The following SORCS2 variants were observed in gnomAD, a reference collection of about 807,000 sequenced individuals.
SORCS2 encodes the protein VPS10 domain-containing receptor SorCS2.
A neutral mutation model predicts 141.6 loss-of-function variants in SORCS2; 100 were observed. The observed-to-expected ratio is 0.71, with a 90% CI of 0.60 to 0.83. The LOEUF is 0.83. SORCS2 is among the 40% of genes least tolerant of loss of function. The pLI is 0.00. For missense variants in SORCS2, 1,646 were observed against 1,560.2 expected (o/e 1.05, Z -0.93); for synonymous variants, 789 against 676.9 (o/e 1.17, Z -2.57).
At chr4:7,301,750 T>C (rs1334310343) in intron 1 of SORCS2, among the ~76,000 whole-genome samples, 1 of 152,224 alleles carries the variant, frequency 6.6e-6, no homozygotes. Flanking sequence ...GCAATTGCTC[T>C]CCTTTTTCCA....
chr4:7,540,444 G>A (rs1370592348), intron 3 of SORCS2, among the ~76,000 whole-genome samples: 3 of 152,168 alleles, frequency 2.0e-5, no homozygotes, highest in Admixed American at 1.3e-4. Context: ...CCCTGTGGCT[G>A]CTTTGCCACC....
chr4:7,677,849 G>A (rs1460223533), intron 9 of SORCS2, among the ~76,000 whole-genome samples: 5 of 152,242 alleles, frequency 3.3e-5, no homozygotes, highest in Non-Finnish European at 7.4e-5. Flanking sequence ...GCTAGGCAGC[G>A]CCCACCCCCA....
At chr4:7,567,816 A>G (rs1361689817) in intron 3 of SORCS2, among the ~76,000 whole-genome samples, 2 of 152,052 alleles carry the variant, frequency 1.3e-5, no homozygotes, top group Non-Finnish European at 2.9e-5. Context: ...TATTTATTTA[A>G]TCATGTATTT....
At chr4:7,262,150 C>T (rs1161411675) in intron 1 of SORCS2, among the ~76,000 whole-genome samples, 1 of 151,534 alleles carries the variant, frequency 6.6e-6, no homozygotes, top group East Asian at 1.9e-4. Flanking sequence ...ATCTGCCCAT[C>T]TACCCATCCA....
intron 12 of SORCS2, among the ~76,000 whole-genome samples, chr4:7,702,465 C>G (rs59544117): frequency 2.0e-3 from 305 of 152,346 alleles, no homozygotes; most frequent in African/African-American, 6.9e-3. Flanking sequence ...TACCCTCCAC[C>G]CCTCAGAGCC....
At chr4:7,445,218 C>T (rs1201575260) in intron 2 of SORCS2, among the ~76,000 whole-genome samples, 2 of 152,194 alleles carry the variant, frequency 1.3e-5, no homozygotes, top group African/African-American at 4.8e-5. Context: ...CAGAGGCACC[C>T]TTGCAACAGA....
intron 2 of SORCS2, among the ~76,000 whole-genome samples, chr4:7,480,243 C>T (rs999497901): frequency 1.3e-5 from 2 of 152,174 alleles, no homozygotes; most frequent in African/African-American, 2.4e-5. Flanking sequence ...TCTGATGGCA[C>T]GTGGGCTTTG....
At chr4:7,645,878 C>T (rs917076000) in intron 4 of SORCS2, among the ~76,000 whole-genome samples, 1 of 152,184 alleles carries the variant, frequency 6.6e-6, no homozygotes, top group African/African-American at 2.4e-5. Flanking sequence ...TATGGTACAC[C>T]ATCTCTGTGC....
chr4:7,729,741 G>C, intron 23 of SORCS2, 29 bp downstream of exon 23: 1 of 1,602,288 alleles, frequency 6.2e-7, no homozygotes, highest in Non-Finnish European at 8.5e-7. Context: ...GCACTCCCAG[G>C]TCCTCCCTGC....
At chr4:7,671,871 A>C (rs936495066) in intron 8 of SORCS2, among the ~76,000 whole-genome samples, 3 of 151,752 alleles carry the variant, frequency 2.0e-5, no homozygotes, top group Non-Finnish European at 4.4e-5. Context: ...AAATTTCAAC[A>C]AACTCTAAGA....
At chr4:7,433,517 C>G (rs200541303) in intron 2 of SORCS2, 578 of 1,607,730 alleles carry the variant, frequency 3.6e-4, no homozygotes, top group Non-Finnish European at 4.7e-4. Context: ...TCCATCATGT[C>G]CTTGAGACTC....
chr4:7,193,060 G>A lies in SORCS2; in HGVS notation c.414G>A (p.Ser138=). ...CGCAGGTCTCGCTCATCAGCACGTC[G>A]TTCGTGCTCAAGGGGGACGCGACGC... The part of the protein sequence containing the change: ...SRAQVSLIST[S]FVLKGDATHN... Residue 138 remains serine, a synonymous_variant, in exon 1 of 27, where the codon TCG becomes TCA. Transcript: ENST00000507866. This position sits in a 1 kb window ranked among gnomAD's most constrained non-coding sequence, Gnocchi z 4.8. The A allele has an allele frequency of 6.4e-7, 1 of 1,550,892 alleles. No homozygotes were observed.
At chr4:7,210,534 G>T (rs1257302806) in intron 1 of SORCS2, among the ~76,000 whole-genome samples, 2 of 152,164 alleles carry the variant, frequency 1.3e-5, no homozygotes, top group Admixed American at 6.5e-5. Flanking sequence ...ATCCACCTTA[G>T]CCTCCCAAAG....
chr4:7,374,492 G>A (rs764521047), intron 1 of SORCS2, among the ~76,000 whole-genome samples: 6 of 152,142 alleles, frequency 3.9e-5, no homozygotes, highest in African/African-American at 9.7e-5. Context: ...GCCCTGGGAC[G>A]TTCCCCAGAC....
At chr4:7,433,914 C>T (rs543804070) in intron 2 of SORCS2, 10 of 1,613,882 alleles carry the variant, frequency 6.2e-6, no homozygotes, top group East Asian at 4.5e-5. Context: ...AGCACACGCG[C>T]TCCAGGGCAT....
chr4:7,564,058 C>T (rs2109683932), intron 3 of SORCS2, among the ~76,000 whole-genome samples: 1 of 152,324 alleles, frequency 6.6e-6, no homozygotes, highest in South Asian at 2.1e-4. Flanking sequence ...AGGGAAATTG[C>T]ACAGTTGTTA....
At position 7,724,271 on chromosome 4, in the gene SORCS2, ATGG is replaced by A. The variant is rs1205792946; in HGVS notation, c.2611+406_2611+408del. On this transcript the variant is annotated intron_variant, in intron 19 of 26. Coordinates refer to ENST00000507866, the MANE Select transcript of SORCS2 (RefSeq NM_020777.3). ...GACGTTGGTGTTGGTGATGGTGATG[ATGG>A]TGGTGGTGGTGGTGGTGATAATGGT... is the stretch of plus-strand genomic sequence containing the variant. Among the ~76,000 whole-genome samples the A allele has an allele frequency of 7.4e-3, 929 of 125,756 alleles. 10 individuals carry two copies. The highest frequency in any genetic ancestry group is 0.022 in the Middle Eastern group (5 of 226). 82.5% of individuals were successfully genotyped at this position (125,756 alleles called of 152,430 possible).
intron 1 of SORCS2, among the ~76,000 whole-genome samples, chr4:7,234,386 C>T (rs891380964): frequency 2.0e-5 from 3 of 152,312 alleles, no homozygotes; most frequent in Admixed American, 1.3e-4. Context: ...ATTGGTCTTT[C>T]ATTACTTTTA....
chr4:7,621,042 G>C (rs1577852205), intron 3 of SORCS2, among the ~76,000 whole-genome samples: 1 of 152,172 alleles, frequency 6.6e-6, no homozygotes. Context: ...TGAGGTCCCA[G>C]CTGGCTCTGA....
Sources: gnomAD v4.1 joint callset for allele counts (sites outside exome capture counted in the v4.1 genomes callset) on GRCh38, gnomAD v4.1.1 for gene constraint, Gnocchi (gnomAD v3.1) non-coding constraint, MANE v1.5 for transcripts, NCBI Gene and HGNC (gene_info 2026-07-23, HGNC 2026-07-21) for gene names.